Variants in SORBS2 observed in about 807,000 individuals in gnomAD.
The protein encoded by SORBS2 is sorbin and SH3 domain-containing protein 2.
Under a neutral mutation model 97.7 loss-of-function variants are expected in SORBS2, and 46 were observed. The observed-to-expected ratio is 0.47, with a 90% confidence interval of 0.37 to 0.60. SORBS2 has a LOEUF of 0.60. Ranked by LOEUF, SORBS2 falls within the 20% of genes least tolerant of loss-of-function variation. The pLI is 0.00. For synonymous variants in SORBS2, 476 were observed against 473.4 expected (o/e 1.01, Z -0.07); for missense variants, 1,316 against 1,282.3 (o/e 1.03, Z -0.40).
chr4:185,624,752 C>A (rs979987429), intron 6 of SORBS2, among the ~76,000 whole-genome samples: 1 of 152,162 alleles, frequency 6.6e-6, no homozygotes, highest in East Asian at 1.9e-4. Context: ...TAAGAAGCAA[C>A]CGACGTAAGC....
exon 1 of SORBS2, chr4:185,656,637 A>C: frequency 1.9e-6 from 3 of 1,550,680 alleles, no homozygotes; most frequent in Non-Finnish European, 2.6e-6. Context: ...TGTTGCTTTC[A>C]TCCTGTCCCC....
intron 2 of SORBS2, among the ~76,000 whole-genome samples, chr4:185,705,550 A>T (rs907845371): frequency 1.3e-5 from 2 of 152,176 alleles, no homozygotes; most frequent in African/African-American, 4.8e-5. Flanking sequence ...ATCTCAAAAA[A>T]TATATATAAA....
chr4:185,717,155 CA>C (rs2098472407), intron 2 of SORBS2, among the ~76,000 whole-genome samples: 2 of 152,330 alleles, frequency 1.3e-5, no homozygotes, highest in South Asian at 4.1e-4. Context: ...CCGCTGTCTT[CA>C]AACCTGGAAG....
intron 1 of SORBS2, among the ~76,000 whole-genome samples, chr4:185,654,562 A>G (rs927118630): frequency 6.6e-6 from 1 of 152,226 alleles, no homozygotes; most frequent in Non-Finnish European, 1.5e-5. Context: ...GGTGAGCACA[A>G]AGATGCCAGA....
chr4:185,798,476 C>T (rs2102020), intron 1 of SORBS2, among the ~76,000 whole-genome samples: 150,408 of 152,270 alleles, frequency 0.99, 74,313 homozygotes, highest in Middle Eastern at 1. Context: ...TTAAAATTCA[C>T]GTGTGACAAG....
At chr4:185,781,663 A>G (rs1047803998) in intron 1 of SORBS2, among the ~76,000 whole-genome samples, 5 of 52,540 alleles carry the variant, frequency 9.5e-5, no homozygotes, top group East Asian at 6.0e-4. Flanking sequence ...CGTCCCTTCC[A>G]TTGCCTCCGG....
chr4:185,820,823 T>C (rs2099196352), intron 1 of SORBS2, among the ~76,000 whole-genome samples: 1 of 152,206 alleles, frequency 6.6e-6, no homozygotes, highest in Non-Finnish European at 1.5e-5. Context: ...ACGGCAGAGA[T>C]CATTTCTGTT....
chr4:185,719,678 TCTTC>T (rs2098496677), intron 2 of SORBS2, among the ~76,000 whole-genome samples: 2 of 152,332 alleles, frequency 1.3e-5, no homozygotes, highest in East Asian at 3.9e-4. Context: ...AGGTGAGAAA[TCTTC>T]CTTCAATTGT....
exon 15 of SORBS2, chr4:185,586,024 G>A (rs919570157): frequency 6.6e-6 from 1 of 152,624 alleles, no homozygotes; most frequent in Admixed American, 6.5e-5. Context: ...TGCTGAAAGT[G>A]TTGTCGCAGG....
chr4:185,850,649 G>A (rs947125003), intron 1 of SORBS2, among the ~76,000 whole-genome samples: 30 of 152,198 alleles, frequency 2.0e-4, no homozygotes, highest in African/African-American at 7.0e-4. Flanking sequence ...TATATCATAT[G>A]TTTTACAAGA....
chr4:185,806,543 C>T lies in SORBS2; in HGVS notation c.-337-31177G>A, dbSNP rs1344770861. On this transcript the variant is annotated intron_variant, in intron 1 of 20. Coordinates refer to the SORBS2 transcript ENST00000284776. Reference sequence around the variant, plus strand: ...CGGGATCTCGGCTCACTGCAAGCTCCTCCTCCCGGGTTCACGCCATTCTCC... The same window carrying T: ...CGGGATCTCGGCTCACTGCAAGCTCTTCCTCCCGGGTTCACGCCATTCTCC... Among the ~76,000 whole-genome samples, 6 of 144,810 alleles carry T rather than the reference C, an allele frequency of 4.1e-5. No homozygotes were observed. In the South Asian group the frequency reaches 6.9e-4, roughly 17 times the overall value.
chr4:185,762,074 A>G (rs1405010549), intron 2 of SORBS2, among the ~76,000 whole-genome samples: 1 of 152,254 alleles, frequency 6.6e-6, no homozygotes, highest in East Asian at 1.9e-4. Context: ...TACTACTGAG[A>G]AATCCTAGTC....
intron 4 of SORBS2, among the ~76,000 whole-genome samples, chr4:185,666,965 G>A (rs894128876): frequency 1.1e-4 from 17 of 152,148 alleles, no homozygotes; most frequent in Admixed American, 1.1e-3. Context: ...TAGCCCAAGA[G>A]GCTAAACATA....
At chr4:185,861,667 G>T (rs2099223862) in intron 1 of SORBS2, among the ~76,000 whole-genome samples, 1 of 150,868 alleles carries the variant, frequency 6.6e-6, no homozygotes, top group African/African-American at 2.4e-5. Context: ...GTGCAGTGGT[G>T]CGATCTTGGC....
intron 1 of SORBS2, among the ~76,000 whole-genome samples, chr4:185,906,611 G>C (rs1208437110): frequency 6.6e-6 from 1 of 152,090 alleles, no homozygotes; most frequent in Non-Finnish European, 1.5e-5. Flanking sequence ...AATACCTAAC[G>C]CAGCACTCTA....
intron 2 of SORBS2, among the ~76,000 whole-genome samples, chr4:185,710,376 T>C (rs2098407873): frequency 1.3e-5 from 2 of 152,224 alleles, no homozygotes; most frequent in Admixed American, 1.3e-4. Flanking sequence ...AGGCATGAAG[T>C]GTTCAAACTT....
Position 185,843,408 on chromosome 4 carries a change from G to A in SORBS2, c.-337-68042C>T, listed in dbSNP as rs1226827587. 7.2e-5 allele frequency among the ~76,000 whole-genome samples: 11 copies of A among 151,882 alleles called. 1 individual carries two copies. The highest frequency in any genetic ancestry group is 1.5e-5 in the Non-Finnish European group (1 of 67,970). On this transcript the variant is annotated intron_variant, in intron 1 of 20. Transcript: ENST00000284776. ...ATATAGAATAAAAGAGAAATAAAAC[G>A]GTTTTTATTCATAGATGACAAAATT... is the stretch of plus-strand genomic sequence containing the variant.
At chr4:185,664,367 A>C (rs911239137) in intron 4 of SORBS2, among the ~76,000 whole-genome samples, 9 of 148,760 alleles carry the variant, frequency 6.1e-5, no homozygotes, top group Non-Finnish European at 1.2e-4. Flanking sequence ...TAAGACAGTT[A>C]GTCTCCTGTA....
intron 4 of SORBS2, among the ~76,000 whole-genome samples, chr4:185,663,236 G>A (rs1231765748): frequency 6.6e-6 from 1 of 152,138 alleles, no homozygotes; most frequent in Non-Finnish European, 1.5e-5. Context: ...CACAGATAAA[G>A]AAGCATAATT....
Sources: gnomAD v4.1 joint callset for allele counts (sites outside exome capture counted in the v4.1 genomes callset) on GRCh38, gnomAD v4.1.1 for gene constraint, MANE v1.5 for transcripts, NCBI Gene and HGNC (gene_info 2026-07-23, HGNC 2026-07-21) for gene names.